Variants in UNC13B observed in about 807,000 individuals in gnomAD.
The protein encoded by UNC13B is protein unc-13 homolog B.
In UNC13B, 144 loss-of-function variants were observed where a neutral mutation model predicts 211.0. The ratio of observed to expected loss-of-function variants is 0.68; its 90% confidence interval spans 0.60 to 0.78. The LOEUF is 0.78. Ranked by LOEUF, UNC13B falls within the 30% of genes least tolerant of loss-of-function variation. UNC13B has a pLI of 0.00. For synonymous variants in UNC13B, 709 were observed against 725.8 expected (o/e 0.98, Z 0.37); for missense variants, 1,777 against 2,002.0 (o/e 0.89, Z 2.14).
chr9:35,392,184 C>T (rs1441200470), intron 26 of UNC13B, among the ~76,000 whole-genome samples: 1 of 152,168 alleles, frequency 6.6e-6, no homozygotes, highest in African/African-American at 2.4e-5. Context: ...TACTGCCTGG[C>T]ACTTACTCAG....
At chr9:35,394,185 C>T (rs536399517) in intron 26 of UNC13B, among the ~76,000 whole-genome samples, 28 of 152,260 alleles carry the variant, frequency 1.8e-4, no homozygotes, top group Admixed American at 8.5e-4. Flanking sequence ...GGATGATGCT[C>T]AGCATTGAAC....
At chr9:35,237,660 G>C in intron 4 of UNC13B, 43 bp from the exon 5 acceptor site, 1 of 1,602,382 alleles carries the variant, frequency 6.2e-7, no homozygotes, top group Non-Finnish European at 8.5e-7. Flanking sequence ...CTAAGAGGGA[G>C]CCAAGAAAGA....
At chr9:35,288,051 A>G (rs1828892392) in intron 7 of UNC13B, among the ~76,000 whole-genome samples, 2 of 152,074 alleles carry the variant, frequency 1.3e-5, no homozygotes, top group Non-Finnish European at 1.5e-5. Flanking sequence ...TACTCATTAA[A>G]TGCTATTGAT....
chr9:35,339,345 C>T (rs1176598569), intron 11 of UNC13B, among the ~76,000 whole-genome samples: 1 of 152,216 alleles, frequency 6.6e-6, no homozygotes, highest in African/African-American at 2.4e-5. Flanking sequence ...CCTACTCAGG[C>T]TTCCCCAGGG....
chr9:35,250,130 T>C (rs930676634), intron 6 of UNC13B, among the ~76,000 whole-genome samples: 1 of 152,210 alleles, frequency 6.6e-6, no homozygotes, highest in African/African-American at 2.4e-5. Context: ...ATCTTTCGTC[T>C]TTCTTCCACT....
intron 7 of UNC13B, among the ~76,000 whole-genome samples, chr9:35,293,667 A>G (rs968897939): frequency 2.6e-5 from 4 of 152,206 alleles, no homozygotes; most frequent in African/African-American, 9.7e-5. Flanking sequence ...AGAACAACAG[A>G]TGCATCAAGG....
chr9:35,395,581 C>T (rs528347836), intron 26 of UNC13B, among the ~76,000 whole-genome samples: 2 of 152,238 alleles, frequency 1.3e-5, no homozygotes, highest in Non-Finnish European at 2.9e-5. Flanking sequence ...CCCACATTTG[C>T]TTGCTTTTAC....
At chr9:35,223,934 C>T (rs372756117) in intron 1 of UNC13B, among the ~76,000 whole-genome samples, 7 of 152,126 alleles carry the variant, frequency 4.6e-5, no homozygotes, top group South Asian at 4.2e-4. Flanking sequence ...TTTTCTGGTA[C>T]GTTTGTTGAA....
At chr9:35,352,932 A>G (rs189846698) in intron 11 of UNC13B, 1 of 1,232,176 alleles carries the variant, frequency 8.1e-7, no homozygotes, top group African/African-American at 1.5e-5. Flanking sequence ...GATAAAAGTG[A>G]GGCCAGCAGC....
At chr9:35,323,163 G>A (rs774463116) in intron 11 of UNC13B, among the ~76,000 whole-genome samples, 14 of 151,416 alleles carry the variant, frequency 9.2e-5, no homozygotes, top group Non-Finnish European at 1.8e-4. Context: ...AAACTTGTAT[G>A]TGTGTATTAC....
chr9:35,257,423 A>T (rs1826984937), intron 6 of UNC13B, among the ~76,000 whole-genome samples: 2 of 102,360 alleles, frequency 2.0e-5, no homozygotes. Context: ...TTTATAAAAA[A>T]TATAAATATT....
At position 35,398,961 on chromosome 9, in the gene UNC13B, C is replaced by T; in HGVS notation, c.12001C>T (p.Pro4001Ser). The part of the protein sequence containing the change: ...GQVRGTGNAS[P>S]DARASAAQDA... The stretch of plus-strand genomic sequence containing the variant: ...GGTTCGGGGCACAGGGAATGCATCT[C>T]CAGACGCCAGGGCCTCAGCGGCTCA... Residue 4001 changes from proline to serine, a missense_variant, in exon 33 of 40, where the codon CCA (proline) becomes TCA (serine). Coordinates refer to ENST00000635942, the MANE Select transcript of UNC13B (RefSeq NM_001371189.2). The T allele has an allele frequency of 6.2e-7, 1 of 1,614,198 alleles. No homozygotes were observed. The highest frequency in any genetic ancestry group is 8.5e-7 in the Non-Finnish European group (1 of 1,180,034).
intron 7 of UNC13B, among the ~76,000 whole-genome samples, chr9:35,279,735 G>T (rs1481465600): frequency 6.6e-6 from 1 of 152,204 alleles, no homozygotes; most frequent in East Asian, 1.9e-4. Context: ...TTTGAATTTT[G>T]AAATATGTTA....
chr9:35,335,922 G>A (rs936625735), intron 11 of UNC13B, among the ~76,000 whole-genome samples: 2 of 152,018 alleles, frequency 1.3e-5, no homozygotes, highest in African/African-American at 4.8e-5. Context: ...GCCCAGGCTG[G>A]TCTTGAACTC....
In UNC13B at chr9:35,382,341, G is replaced by A. The variant is rs764479861; in HGVS notation, c.10656-16G>A. 3.7e-6 allele frequency: 6 copies of A among 1,607,986 alleles called. No individual in the cohort carries two copies. The highest frequency in any genetic ancestry group is 5.1e-6 in the Non-Finnish European group (6 of 1,177,592). ...CCCTGAAGAGTCTTTGAGGCTGCGG[G>A]TGCTGTGTTTTTCAGGCACTTTGCA... On this transcript the variant is annotated splice_polypyrimidine_tract_variant and intron_variant, in intron 20 of 39. Transcript: ENST00000635942.
chr9:35,368,055 A>T (rs980125077), intron 12 of UNC13B, among the ~76,000 whole-genome samples: 10 of 152,002 alleles, frequency 6.6e-5, no homozygotes, highest in African/African-American at 2.4e-4. Flanking sequence ...TGTCATCTTT[A>T]AAAAAAAATT....
intron 7 of UNC13B, among the ~76,000 whole-genome samples, chr9:35,260,036 T>TA (rs1323833544): frequency 2.2e-3 from 2 of 922 alleles, no homozygotes; most frequent in Non-Finnish European, 8.3e-3. Context: ...ACCTCATTTC[T>TA]ACAAAAAAAA....
At chr9:35,163,612 T>A (rs909890836) in intron 1 of UNC13B, among the ~76,000 whole-genome samples, 6 of 152,254 alleles carry the variant, frequency 3.9e-5, no homozygotes, top group Non-Finnish European at 7.3e-5. Flanking sequence ...TGGACTTTGC[T>A]GTGTCTCTTG....
chr9:35,397,110 C>G, intron 28 of UNC13B, 57 bp from the exon 29 acceptor site: 2 of 1,608,364 alleles, frequency 1.2e-6, no homozygotes, highest in Non-Finnish European at 1.7e-6. Context: ...TCAAACTCTA[C>G]AAGCTTGGGA....
Sources: allele counts gnomAD v4.1 joint callset (sites outside exome capture counted in the v4.1 genomes callset), GRCh38; gene constraint gnomAD v4.1.1; transcripts MANE v1.5; gene names NCBI Gene and HGNC (gene_info 2026-07-23, HGNC 2026-07-21).